Variants in ADGRB3 observed in about 807,000 individuals in gnomAD.
ADGRB3 encodes brain-specific angiogenesis inhibitor 3.
In ADGRB3, 37 loss-of-function variants were observed where a neutral mutation model predicts 193.4. The observed-to-expected ratio is 0.19, with a 90% CI of 0.15 to 0.25. The LOEUF (loss-of-function observed/expected upper bound fraction) is 0.25. Ranked by LOEUF, ADGRB3 falls within the 10% of genes least tolerant of loss-of-function variation. The probability of loss-of-function intolerance (pLI) is 1.00; values close to 1 mark genes in which losing one functional copy is unlikely to be tolerated. For synonymous variants in ADGRB3, 690 were observed against 644.2 expected, an observed-to-expected ratio of 1.07 and a Z score of -1.08; for missense variants, 1,637 against 1,852.9, an observed-to-expected ratio of 0.88 and a Z score of 2.14.
chr6:68,647,711 A>C (rs1768249566), intron 3 of ADGRB3, among the ~76,000 whole-genome samples: 1 of 152,194 alleles, frequency 6.6e-6, no homozygotes, highest in Non-Finnish European at 1.5e-5. Context: ...GCTGATCGGC[A>C]GCAAAGCTAT....
intron 3 of ADGRB3, among the ~76,000 whole-genome samples, chr6:68,681,342 A>C (rs978017753): frequency 6.6e-6 from 1 of 152,144 alleles, no homozygotes; most frequent in Admixed American, 6.6e-5. Context: ...TTTGTTTTGT[A>C]GAGACAGCAT....
intron 3 of ADGRB3, among the ~76,000 whole-genome samples, chr6:68,760,898 T>C (rs112801081): frequency 5.9e-5 from 9 of 152,342 alleles, no homozygotes; most frequent in African/African-American, 2.2e-4. Context: ...ATGTGGCATA[T>C]AGTGGAAACC....
intron 3 of ADGRB3, among the ~76,000 whole-genome samples, chr6:68,793,388 G>T (rs2077061925): frequency 6.6e-6 from 1 of 151,986 alleles, no homozygotes; most frequent in South Asian, 2.1e-4. Context: ...GTGCATGTGT[G>T]TATGTGTATT....
At chr6:69,014,486 A>G (rs1770032383) in intron 12 of ADGRB3, among the ~76,000 whole-genome samples, 1 of 152,074 alleles carries the variant, frequency 6.6e-6, no homozygotes, top group Non-Finnish European at 1.5e-5. Flanking sequence ...ACAATGCTAC[A>G]TATAATATGG....
At chr6:68,967,794 G>A (rs1440887742) in intron 8 of ADGRB3, among the ~76,000 whole-genome samples, 2 of 152,162 alleles carry the variant, frequency 1.3e-5, no homozygotes, top group Non-Finnish European at 2.9e-5. Flanking sequence ...AGGAGAGGAA[G>A]GGGTGGGAGT....
intron 3 of ADGRB3, among the ~76,000 whole-genome samples, chr6:68,837,141 A>G (rs537037336): frequency 1.3e-5 from 2 of 152,216 alleles, no homozygotes; most frequent in Non-Finnish European, 2.9e-5. Flanking sequence ...CAAACCAGGA[A>G]CTGCATACAA....
intron 3 of ADGRB3, among the ~76,000 whole-genome samples, chr6:68,669,057 T>C (rs1213004019): frequency 6.6e-6 from 1 of 151,994 alleles, no homozygotes; most frequent in Non-Finnish European, 1.5e-5. Context: ...TATGTATGTA[T>C]TTATTTTTAT....
chr6:69,048,118 T>G (rs1185431515), intron 13 of ADGRB3, 67 bp from the exon 14 acceptor site: 6 of 1,467,516 alleles, frequency 4.1e-6, no homozygotes, highest in Non-Finnish European at 5.6e-6. Context: ...AGATTTACCT[T>G]GATCAACACT....
intron 20 of ADGRB3, among the ~76,000 whole-genome samples, chr6:69,246,024 G>A (rs777603020): frequency 1.1e-4 from 16 of 152,120 alleles, no homozygotes; most frequent in Non-Finnish European, 1.2e-4. Context: ...TCAGCTAATA[G>A]TGATAGATTA....
rs193196257 is a variant in ADGRB3 at position 68,950,742 on chromosome 6, G to A, written c.1196-5282G>A. On this transcript the variant is annotated intron_variant, in intron 6 of 31. Transcript: ENST00000370598. The stretch of plus-strand genomic sequence containing the variant: ...CAGAAAACATTGTAAATTCATCCAT[G>A]TTTTTTCTATGCCCACTGATGCCAC... 2.6e-3 allele frequency among the ~76,000 whole-genome samples: 403 copies of A among 152,206 alleles called. 1 individual carries two copies. Among genetic ancestry groups the A allele is most frequent in the Non-Finnish European group, 4.5e-3 (306 of 67,996 alleles).
chr6:68,758,257 T>G (rs1181204077), intron 3 of ADGRB3, among the ~76,000 whole-genome samples: 3 of 152,070 alleles, frequency 2.0e-5, no homozygotes, highest in African/African-American at 7.2e-5. Flanking sequence ...CAAAAGTTTC[T>G]AATATCACCG....
At chr6:69,018,904 A>G (rs1770178645) in intron 13 of ADGRB3, among the ~76,000 whole-genome samples, 1 of 151,946 alleles carries the variant, frequency 6.6e-6, no homozygotes, top group South Asian at 2.1e-4. Context: ...ATTGTTCTTG[A>G]GGATGCCGAG....
At chr6:69,186,507 A>T (rs980146612) in intron 17 of ADGRB3, among the ~76,000 whole-genome samples, 1 of 152,038 alleles carries the variant, frequency 6.6e-6, no homozygotes, top group Non-Finnish European at 1.5e-5. Flanking sequence ...AGAAGCAGCA[A>T]ATCTGTCTTC....
intron 3 of ADGRB3, among the ~76,000 whole-genome samples, chr6:68,722,755 G>A (rs892024012): frequency 1.3e-5 from 2 of 151,376 alleles, no homozygotes; most frequent in African/African-American, 4.8e-5. Flanking sequence ...TGAGACATGT[G>A]TGAAGACCCA....
chr6:69,158,766 T>C (rs1410674393), intron 17 of ADGRB3, among the ~76,000 whole-genome samples: 3 of 152,034 alleles, frequency 2.0e-5, no homozygotes, highest in Non-Finnish European at 4.4e-5. Context: ...ACTCAGCTGT[T>C]TCTCATCTAC....
chr6:69,297,368 T>TCTCTC (rs1767846054), intron 20 of ADGRB3, among the ~76,000 whole-genome samples: 36 of 97,608 alleles, frequency 3.7e-4, no homozygotes, highest in East Asian at 1.4e-3. Flanking sequence ...CTCTCTCTCT[T>TCTCTC]TCTCTCTCTC....
intron 20 of ADGRB3, among the ~76,000 whole-genome samples, chr6:69,239,636 C>G (rs1415727247): frequency 2.0e-5 from 3 of 151,922 alleles, no homozygotes; most frequent in Non-Finnish European, 4.4e-5. Context: ...AAATTGCTTA[C>G]AAGTGTAACA....
At position 69,213,299 on chromosome 6, in the gene ADGRB3, G is replaced by A. The variant is rs141367724; in HGVS notation, c.2481-19991G>A. On this transcript the variant is annotated intron_variant, in intron 17 of 31. Coordinates refer to ENST00000370598, the MANE Select transcript of ADGRB3 (RefSeq NM_001704.3). ...CTCTCACATTATATTTACCTTAAGG[G>A]TAACCTACCTATTTCCCTGGTTCCA... is the stretch of plus-strand genomic sequence containing the variant. Among the ~76,000 whole-genome samples the A allele has an allele frequency of 2.3e-3, 345 of 152,180 alleles. 4 individuals are homozygous for A. The highest frequency in any genetic ancestry group is 8.1e-3 in the African/African-American group (338 of 41,526).
At position 68,661,282 on chromosome 6, in the gene ADGRB3, A is replaced by G. The variant is rs1008286293; in HGVS notation, c.757+21850A>G. Among the ~76,000 whole-genome samples, 4 of 146,458 alleles carry G rather than the reference A, an allele frequency of 2.7e-5. No homozygotes were observed. In the East Asian group the frequency reaches 8.0e-4, roughly 29 times the overall value. On this transcript the variant is annotated intron_variant, in intron 3 of 31. Coordinates refer to ENST00000370598, the MANE Select transcript of ADGRB3 (RefSeq NM_001704.3). ...ATTATTGGGAAGAAACAAACATTATAGGTGGCCAAAATATATATATATATG... is the reference window on the plus strand; with the variant it reads ...ATTATTGGGAAGAAACAAACATTATGGGTGGCCAAAATATATATATATATG...
Sources: gnomAD v4.1 joint callset for allele counts (sites outside exome capture counted in the v4.1 genomes callset) on GRCh38, gnomAD v4.1.1 for gene constraint, MANE v1.5 for transcripts, NCBI Gene and HGNC (gene_info 2026-07-23, HGNC 2026-07-21) for gene names.